NT5DC3: variants seen among roughly 807,000 people sequenced by gnomAD.
NT5DC3 encodes 5'-nucleotidase domain-containing protein 3.
Under a neutral mutation model 67.8 loss-of-function variants are expected in NT5DC3, and 42 were observed. The ratio of observed to expected loss-of-function variants is 0.62; its 90% CI spans 0.48 to 0.80. The LOEUF (loss-of-function observed/expected upper bound fraction) is 0.80. NT5DC3 is among the 30% of genes least tolerant of loss of function. NT5DC3 has a pLI of 0.00. For missense variants in NT5DC3, 570 were observed against 696.4 expected (o/e 0.82, Z 2.04); for synonymous variants, 237 against 255.6 (o/e 0.93, Z 0.69).
At chr12:103,761,481 T>C in the NT5DC3 span, 1 of 1,335,390 alleles carries the variant, frequency 7.5e-7, no homozygotes, top group Non-Finnish European at 1.1e-6. Flanking sequence ...GGCAAACCAT[T>C]ACCAGAAGCC....
At chr12:103,755,412 T>C in the NT5DC3 span, 2 of 1,614,162 alleles carry the variant, frequency 1.2e-6, no homozygotes, top group South Asian at 1.1e-5. Context: ...TAGTGGACTA[T>C]GGACCTAGAC....
Position 103,811,133 on chromosome 12 carries a change from T to C in NT5DC3, c.393+3804A>G, listed in dbSNP as rs879759488. Among the ~76,000 whole-genome samples, 6 of 152,194 alleles carry C rather than the reference T, an allele frequency of 3.9e-5. No homozygotes were observed. The South Asian group carries it at 8.3e-4, about 21-fold the overall frequency. On this transcript the variant is annotated intron_variant, in intron 2 of 13. Coordinates refer to ENST00000392876, the MANE Select transcript of NT5DC3 (RefSeq NM_001031701.3). The stretch of plus-strand genomic sequence containing the variant: ...GTGCCAGGGCCTGGGAATACAGCAA[T>C]GAACAGAACTGACAAAAGTGTCTGC...
intron 1 of NT5DC3, among the ~76,000 whole-genome samples, chr12:103,834,940 G>A (rs75036227): frequency 0.044 from 6,768 of 152,216 alleles, 333 homozygotes; most frequent in East Asian, 0.17. Flanking sequence ...TGAATTCATC[G>A]GTACTTCTTC....
At position 103,777,988 on chromosome 12, in the gene NT5DC3, G is replaced by A. The variant is rs555284575; in HGVS notation, c.1488C>T (p.Phe496=). ...TCAGAGACGCCATGTAGATGTCAGC[G>A]AAGCGCGACAGGCGCCTTAGGAAGT... ...PTYFLRRLSR[F]ADIYMASLSC... Residue 496 remains phenylalanine, a synonymous_variant, in exon 14 of 14, where the codon TTC becomes TTT. Coordinates refer to ENST00000392876, the MANE Select transcript of NT5DC3 (RefSeq NM_001031701.3). The A allele has an allele frequency of 1.8e-4, 286 of 1,614,214 alleles. 5 individuals are homozygous for A. In the South Asian group the frequency reaches 2.3e-3, roughly 13 times the overall value.
chr12:103,755,765 C>G, the NT5DC3 span: 5 of 1,596,604 alleles, frequency 3.1e-6, no homozygotes, highest in South Asian at 2.2e-5. Context: ...GAGGGGTTGC[C>G]TCAAAGCAGG....
the NT5DC3 span, among the ~76,000 whole-genome samples, chr12:103,757,029 A>ATAAAATATATATAT: frequency 4.9e-5 from 7 of 144,178 alleles, no homozygotes; most frequent in Admixed American, 2.8e-4. Flanking sequence ...ATATATATAT[A>ATAAAATATATATAT]TAAAATATAT....
At chr12:103,746,971 T>TTC in the NT5DC3 span, among the ~76,000 whole-genome samples, 2 of 120,300 alleles carry the variant, frequency 1.7e-5, no homozygotes, top group East Asian at 2.1e-4. Context: ...TTTTTTTTTT[T>TTC]CCGAGATGGA....
At chr12:103,761,497 C>G in the NT5DC3 span, 1 of 1,195,828 alleles carries the variant, frequency 8.4e-7, no homozygotes, top group Admixed American at 1.9e-5. Context: ...AAGCCCTGTC[C>G]TCCTCCCTCT....
downstream of NT5DC3, among the ~76,000 whole-genome samples, chr12:103,768,530 A>AGAGG (rs1885085996): frequency 6.4e-5 from 1 of 15,558 alleles, no homozygotes; most frequent in African/African-American, 2.8e-4. Flanking sequence ...GATGGGAGAG[A>AGAGG]GAGGGAGAGG....
At chr12:103,759,268 C>A in the NT5DC3 span, 2 of 1,614,018 alleles carry the variant, frequency 1.2e-6, no homozygotes, top group East Asian at 2.2e-5. Context: ...GGACCCACTC[C>A]AACCGGTACA....
intron 4 of NT5DC3, among the ~76,000 whole-genome samples, chr12:103,801,401 G>A (rs1395925413): frequency 6.2e-5 from 1 of 16,246 alleles, no homozygotes; most frequent in East Asian, 1.3e-3. Flanking sequence ...TTTTTTTTTT[G>A]AGACGGAGTC....
intron 9 of NT5DC3, 21 bp from the exon 10 acceptor site, chr12:103,788,940 CATT>C (rs1380751364): frequency 6.8e-7 from 1 of 1,481,322 alleles, no homozygotes; most frequent in Non-Finnish European, 9.4e-7. Context: ...AAATGGGAAA[CATT>C]ATGACATGGA....
At chr12:103,765,331 C>T in the NT5DC3 span, among the ~76,000 whole-genome samples, 1 of 152,148 alleles carries the variant, frequency 6.6e-6, no homozygotes, top group African/African-American at 2.4e-5. Flanking sequence ...TCAGCTAAAC[C>T]TACTATTCAG....
chr12:103,753,455 AG>A, the NT5DC3 span: 1 of 1,501,426 alleles, frequency 6.7e-7, no homozygotes, highest in Non-Finnish European at 9.1e-7. Context: ...CCTTCAAGCA[AG>A]GGAGTGCAGG....
Position 103,787,537 on chromosome 12 carries a change from G to C in NT5DC3, c.1102-10C>G, listed in dbSNP as rs1885844891. The C allele has an allele frequency of 1.4e-6, 2 of 1,459,196 alleles. No individual in the cohort carries two copies. The highest frequency in any genetic ancestry group is 1.9e-6 in the Non-Finnish European group (2 of 1,050,526). 90.4% of individuals were successfully genotyped at this position (1,459,196 alleles called of 1,614,324 possible). ...ATTCATATAAATTACCCTGTAATCA[G>C]AGAAAACTATAGTTATTATTATTAC... On this transcript the variant is annotated splice_polypyrimidine_tract_variant and intron_variant, in intron 10 of 13. Coordinates refer to ENST00000392876, the MANE Select transcript of NT5DC3 (RefSeq NM_001031701.3).
intron 2 of NT5DC3, among the ~76,000 whole-genome samples, chr12:103,813,389 C>A (rs1887115905): frequency 6.6e-6 from 1 of 152,192 alleles, no homozygotes; most frequent in African/African-American, 2.4e-5. Context: ...GGTTTTACAT[C>A]TAGTAAAGTG....
chr12:103,832,798 T>G (rs1219175351), intron 1 of NT5DC3, among the ~76,000 whole-genome samples: 1 of 152,194 alleles, frequency 6.6e-6, no homozygotes, highest in African/African-American at 2.4e-5. Flanking sequence ...TCCTTCAAAC[T>G]TTCCTAAAGC....
chr12:103,814,357 C>T (rs142646424), intron 2 of NT5DC3, among the ~76,000 whole-genome samples: 8 of 152,288 alleles, frequency 5.3e-5, no homozygotes, highest in Middle Eastern at 3.4e-3. Flanking sequence ...CTGTACTTCC[C>T]GGGAGGGGTC....
chr12:103,798,871 G>A (rs1279630548), intron 4 of NT5DC3, among the ~76,000 whole-genome samples, 194 bp from the exon 5 acceptor site: 2 of 152,164 alleles, frequency 1.3e-5, no homozygotes, highest in Non-Finnish European at 2.9e-5. Flanking sequence ...TGTTCTATTG[G>A]TAACAAGAGC....
Sources: allele counts gnomAD v4.1 joint callset (sites outside exome capture counted in the v4.1 genomes callset), GRCh38; gene constraint gnomAD v4.1.1; transcripts MANE v1.5; gene names NCBI Gene and HGNC (gene_info 2026-07-23, HGNC 2026-07-21).